MMP13: variants seen among roughly 807,000 people sequenced by gnomAD.
MMP13 encodes the protein collagenase 3.
In MMP13, 45 loss-of-function variants were observed where a neutral mutation model predicts 52.1. That is an observed-to-expected ratio of 0.86 (90% CI 0.68 to 1.11). The LOEUF (loss-of-function observed/expected upper bound fraction) is 1.11, where lower values mean the gene tolerates loss of function less well. Ranked by LOEUF, MMP13 falls within the 50% of genes least tolerant of loss-of-function variation. MMP13 has a pLI of 0.00. For synonymous variants in MMP13, 200 were observed against 204.4 expected, an observed-to-expected ratio of 0.98 and a Z score of 0.18; for missense variants, 576 against 583.8, an observed-to-expected ratio of 0.99 and a Z score of 0.14.
In MMP13 at chr11:102,950,764, G is replaced by A. The variant is rs191021399; in HGVS notation, c.800-537C>T. ...GCGACATGTTGGTAAATTTCCAACCGTCTCCCATGAGTGCAGACAGGATGG... is the reference window on the plus strand; with the variant it reads ...GCGACATGTTGGTAAATTTCCAACCATCTCCCATGAGTGCAGACAGGATGG... On this transcript the variant is annotated intron_variant, in intron 5 of 9. Coordinates refer to ENST00000260302, the MANE Select transcript of MMP13 (RefSeq NM_002427.4). Among the ~76,000 whole-genome samples the A allele has an allele frequency of 3.3e-5, 5 of 152,194 alleles. No individual in the cohort carries two copies. The South Asian group carries it at 6.2e-4, about 19-fold the overall frequency.
In MMP13 at chr11:102,949,987, T is replaced by G; in HGVS notation, c.917+123A>C. 1 of 803,030 alleles carries G rather than the reference T, an allele frequency of 1.2e-6. No individual in the cohort carries two copies. Among genetic ancestry groups the G allele is most frequent in the South Asian group, 1.4e-5 (1 of 73,156 alleles). 49.7% of individuals were successfully genotyped at this position (803,030 alleles called of 1,614,324 possible). A position where few individuals can be genotyped will look rare whatever the true frequency, so the allele number is the denominator to read the frequency against. ...TTTGATCTGAAATATGTAAATAAAC[T>G]GCCTGCCCATTTTTACTGCTAACTT... On this transcript the variant is annotated intron_variant, in intron 6 of 9. Transcript: ENST00000260302. The surrounding 1 kb of genome is among the most constrained non-coding windows in gnomAD (Gnocchi z 4.2).
rs1156386841 is a variant in MMP13 at position 102,955,422 on chromosome 11, C to T, written c.192G>A (p.Met64Ile). 3 of 1,613,958 alleles carry T rather than the reference C, an allele frequency of 1.9e-6. No homozygotes were observed. The African/African-American group carries it at 4.0e-5, about 22-fold the overall frequency. ...GILKENAASS[M>I]TERLREMQSF... Reference sequence around the variant, plus strand: ...ACTGCATTTCTCGGAGCCTCTCAGTCATGGAGCTTGCTGCATTCTCCTTCA... The same window carrying T: ...ACTGCATTTCTCGGAGCCTCTCAGTTATGGAGCTTGCTGCATTCTCCTTCA... The change falls in exon 2 of 10, where the codon ATG (methionine) becomes ATA (isoleucine). Residue 64 changes from methionine to isoleucine, a missense_variant. Physicochemically the swap from Met to Ile is conservative, Grantham distance 10. Transcript: ENST00000260302. This position sits in a 1 kb window ranked among gnomAD's most constrained non-coding sequence, Gnocchi z 4.9.
At chr11:102,944,995 G>C in intron 9 of MMP13, 1 of 205,386 alleles carries the variant, frequency 4.9e-6, no homozygotes, top group Non-Finnish European at 1.0e-5. Flanking sequence ...TGTAATCTGA[G>C]CACTTTGGGA....
chr11:102,950,229 T>C lies in MMP13; in HGVS notation c.800-2A>G, dbSNP rs1591156548. ...GGTTGGGGTCTTCATCTCCTGGACC[T>C]GTAGTCGTGAAAGGCAAGAGAGAAG... is the stretch of plus-strand genomic sequence containing the variant. On this transcript the variant is annotated splice_acceptor_variant, in intron 5 of 9. Coordinates refer to ENST00000260302, the MANE Select transcript of MMP13 (RefSeq NM_002427.4). LOFTEE classifies it high-confidence loss of function. The C allele has an allele frequency of 6.2e-7, 1 of 1,607,128 alleles. No individual in the cohort carries two copies.
In MMP13 at chr11:102,944,117, A is replaced by G; in HGVS notation, c.*149T>C. On this transcript the variant is annotated 3_prime_UTR_variant, in exon 10 of 10. Transcript: ENST00000260302. ...TGTGGTTCCAGCCACGCATAGTCAT[A>G]TAGATACTACATATTCAAAGATAAC... 1.4e-6 allele frequency: 1 copy of G among 693,614 alleles called. No individual in the cohort carries two copies. Among genetic ancestry groups the G allele is most frequent in the Non-Finnish European group, 2.7e-6 (1 of 372,804 alleles). 43.0% of individuals were successfully genotyped at this position (693,614 alleles called of 1,614,324 possible).
intron 8 of MMP13, 109 bp downstream of exon 8, chr11:102,947,782 A>G: frequency 8.0e-7 from 1 of 1,254,060 alleles, no homozygotes; most frequent in Non-Finnish European, 1.2e-6. Flanking sequence ...AAAATGAATG[A>G]CTAGTATGAC....
rs1288130576 is a variant in MMP13, at chr11:102,949,296, C to G, written c.918-138G>C. The G allele has an allele frequency of 1.8e-6, 2 of 1,081,684 alleles. No homozygotes were observed. The highest frequency in any genetic ancestry group is 2.7e-6 in the Non-Finnish European group (2 of 737,290). 67.0% of individuals were successfully genotyped at this position (1,081,684 alleles called of 1,614,324 possible). A position where few individuals can be genotyped will look rare whatever the true frequency, so the allele number is the denominator to read the frequency against. On this transcript the variant is annotated intron_variant, in intron 6 of 9. Transcript: ENST00000260302. The surrounding 1 kb of genome is among the most constrained non-coding windows in gnomAD (Gnocchi z 4.2). ...CCCACCTGTGAAGGGAAAAAAAATT[C>G]CATTACCCTTTAAGCGCCAGTGACA...
At chr11:102,950,356 G>A in intron 5 of MMP13, 129 bp from the exon 6 acceptor site, 1 of 804,328 alleles carries the variant, frequency 1.2e-6, no homozygotes, top group Non-Finnish European at 2.3e-6. Flanking sequence ...GTAGGTCCTG[G>A]GGCTCCTACA....
intron 5 of MMP13, 144 bp downstream of exon 5, chr11:102,951,868 T>A: frequency 1.1e-5 from 9 of 797,146 alleles, no homozygotes; most frequent in Non-Finnish European, 1.9e-5. Context: ...AAATACTGTA[T>A]TACAGTATTA....
At chr11:102,954,668 T>A in intron 2 of MMP13, 62 bp from the exon 3 acceptor site, 1 of 1,460,836 alleles carries the variant, frequency 6.8e-7, no homozygotes, top group Non-Finnish European at 9.6e-7. Flanking sequence ...TAGAATACAT[T>A]TTCTTGGTAT....
intron 2 of MMP13, 38 bp from the exon 3 acceptor site, chr11:102,954,644 A>C: frequency 1.3e-6 from 2 of 1,581,664 alleles, no homozygotes; most frequent in Middle Eastern, 1.7e-4. Context: ...CTTTTTGGAA[A>C]GTGACAGCTA....
intron 4 of MMP13, among the ~76,000 whole-genome samples, chr11:102,953,430 T>C (rs758224200): frequency 2.0e-4 from 31 of 152,132 alleles, no homozygotes; most frequent in Non-Finnish European, 4.0e-4. Context: ...AAATGAAAAA[T>C]AAAACTCAGC....
intron 5 of MMP13, among the ~76,000 whole-genome samples, chr11:102,951,147 G>GA (rs1860605357): frequency 6.6e-6 from 1 of 152,000 alleles, no homozygotes; most frequent in South Asian, 2.1e-4. Flanking sequence ...TGAAAACTTG[G>GA]GGGGGGAAGT....
In MMP13 at chr11:102,944,364, A is replaced by C; in HGVS notation, c.1318T>G (p.Tyr440Asp). ...KVDAVYEKNGYIYFFNGPIQF... is the reference protein window; with the variant it reads ...KVDAVYEKNGDIYFFNGPIQF... ...ATGGGTCCGTTGAAAAAATAGATAT[A>C]ACCTATAAGAAAAAGCATAAAGACA... Residue 440 changes from tyrosine (Y) to aspartate (D), a missense_variant and splice_region_variant, in exon 10 of 10, where the codon TAT becomes GAT. Transcript: ENST00000260302. The C allele has an allele frequency of 1.3e-6, 2 of 1,594,680 alleles. No individual in the cohort carries two copies. The highest frequency in any genetic ancestry group is 8.6e-7 in the Non-Finnish European group (1 of 1,162,680).
chr11:102,945,612 T>A (rs980238315), intron 9 of MMP13, 34 bp downstream of exon 9: 3 of 1,268,504 alleles, frequency 2.4e-6, no homozygotes, highest in Non-Finnish European at 3.5e-6. Flanking sequence ...CTACAGAAGC[T>A]CCTCTTTAAA....
In MMP13 at chr11:102,949,445, A is replaced by G. The variant is rs1555017065; in HGVS notation, c.918-287T>C. Among the ~76,000 whole-genome samples, 3 of 152,192 alleles carry G rather than the reference A, an allele frequency of 2.0e-5. No homozygotes were observed. Among genetic ancestry groups the G allele is most frequent in the Non-Finnish European group, 2.9e-5 (2 of 68,026 alleles). On this transcript the variant is annotated intron_variant, in intron 6 of 9. Coordinates refer to ENST00000260302, the MANE Select transcript of MMP13 (RefSeq NM_002427.4). This position sits in a 1 kb window ranked among gnomAD's most constrained non-coding sequence, Gnocchi z 4.2. Reference sequence around the variant, plus strand: ...CAATTTTGGGTATCTTGCCAGGGGCAAGCAAATGTGCCAGGCATTGTGTTG... The same window carrying G: ...CAATTTTGGGTATCTTGCCAGGGGCGAGCAAATGTGCCAGGCATTGTGTTG...
chr11:102,944,771 CT>C (rs557080076), intron 9 of MMP13, among the ~76,000 whole-genome samples: 1,446 of 95,722 alleles, frequency 0.015, 19 homozygotes, highest in African/African-American at 0.052. Flanking sequence ...CCACTCCCAG[CT>C]TTTTTTTTTT....
At chr11:102,954,859 A>G (rs1434121261) in intron 2 of MMP13, among the ~76,000 whole-genome samples, 2 of 152,308 alleles carry the variant, frequency 1.3e-5, no homozygotes, top group East Asian at 1.9e-4. Flanking sequence ...CCAATGTTTA[A>G]TATAATTTAT....
At chr11:102,944,477 T>C (rs550796828) in intron 9 of MMP13, 111 bp from the exon 10 acceptor site, 1 of 784,010 alleles carries the variant, frequency 1.3e-6, no homozygotes, top group South Asian at 1.5e-5. Flanking sequence ...ATTTCAAACT[T>C]TTTCTTTTTA....
Sources: gnomAD v4.1 joint callset for allele counts (sites outside exome capture counted in the v4.1 genomes callset) on GRCh38, gnomAD v4.1.1 for gene constraint, Gnocchi (gnomAD v3.1) non-coding constraint, MANE v1.5 for transcripts, NCBI Gene and HGNC (gene_info 2026-07-23, HGNC 2026-07-21) for gene names.